HK3: variants seen among roughly 807,000 people sequenced by gnomAD.
HK3 encodes the protein hexokinase 3.
A neutral mutation model predicts 91.0 loss-of-function variants in HK3; 93 were observed. That is an observed-to-expected ratio of 1.02 (90% CI 0.86 to 1.21). The LOEUF (loss-of-function observed/expected upper bound fraction) is 1.21, where lower values mean the gene tolerates loss of function less well. Ranked by LOEUF, HK3 falls within the 50% of genes most tolerant of loss-of-function variation. The pLI, the probability that HK3 is intolerant of heterozygous loss-of-function variation, is 0.00. For missense variants in HK3, 1,235 were observed against 1,247.4 expected (o/e 0.99, Z 0.15); for synonymous variants, 519 against 516.9 (o/e 1.00, Z -0.06).
intron 10 of HK3, among the ~76,000 whole-genome samples, chr5:176,888,068 C>T (rs369583591): frequency 7.4e-4 from 113 of 152,234 alleles, no homozygotes; most frequent in Middle Eastern, 3.4e-3. Flanking sequence ...CCAGCCTCCC[C>T]TATCACTTCA....
intron 17 of HK3, 32 bp from the exon 18 acceptor site, chr5:176,881,567 G>A (rs764861839): frequency 1.3e-6 from 2 of 1,589,808 alleles, no homozygotes; most frequent in South Asian, 2.2e-5. Context: ...AGCACAGGGA[G>A]GTGGGTCGTG....
At chr5:176,885,590 T>C (rs1758564694) in intron 13 of HK3, among the ~76,000 whole-genome samples, 1 of 151,782 alleles carries the variant, frequency 6.6e-6, no homozygotes, top group South Asian at 2.1e-4. Flanking sequence ...CCCGGCTAAT[T>C]TTTGTATTTT....
intron 13 of HK3, among the ~76,000 whole-genome samples, chr5:176,885,578 C>T (rs187946926): frequency 1.1e-4 from 16 of 152,136 alleles, no homozygotes; most frequent in East Asian, 9.7e-4. Context: ...CACACTGCCA[C>T]GCCCGGCTAA....
At position 176,882,139 on chromosome 5, in the gene HK3, C is replaced by G; in HGVS notation, c.2054-12G>C. 6.2e-7 allele frequency: 1 copy of G among 1,612,074 alleles called. No individual in the cohort carries two copies. Reference sequence around the variant, plus strand: ...ATTGGTGCCGGTTCCTGCAGAGAGGCCAGACAACGTGGAAGCTACTTACTG... The same window carrying G: ...ATTGGTGCCGGTTCCTGCAGAGAGGGCAGACAACGTGGAAGCTACTTACTG... On this transcript the variant is annotated splice_polypyrimidine_tract_variant and intron_variant, in intron 15 of 18. Transcript: ENST00000292432.
intron 10 of HK3, 70 bp downstream of exon 10, chr5:176,888,262 G>C (rs1324748470): frequency 7.6e-7 from 1 of 1,311,932 alleles, no homozygotes; most frequent in Non-Finnish European, 1.1e-6. Flanking sequence ...GATCCCAGAG[G>C]GCCCTCTGGG....
At chr5:176,885,461 GC>G (rs1758559535) in intron 13 of HK3, among the ~76,000 whole-genome samples, 1 of 151,982 alleles carries the variant, frequency 6.6e-6, no homozygotes, top group South Asian at 2.1e-4. Context: ...TTGCTCTGTT[GC>G]CCAGGCTGGA....
chr5:176,896,217 C>A lies in HK3; in HGVS notation c.-26-32G>T, dbSNP rs115038681. 1,115 of 1,311,490 alleles carry A rather than the reference C, an allele frequency of 8.5e-4. 13 individuals carry two copies. The African/African-American group carries it at 0.013, about 16-fold the overall frequency. 81.2% of individuals were successfully genotyped at this position (1,311,490 alleles called of 1,614,324 possible). A position where few individuals can be genotyped will look rare whatever the true frequency, so the allele number is the denominator to read the frequency against. On this transcript the variant is annotated intron_variant, in intron 1 of 18. Coordinates refer to ENST00000292432, the MANE Select transcript of HK3 (RefSeq NM_002115.3). ...GAGAAAAGGGACAACCTGGGTCAAC[C>A]ATTTACTCTATAGGCCCTAGGAGTC...
chr5:176,887,537 C>T lies in HK3; in HGVS notation c.1514G>A (p.Arg505Gln), dbSNP rs144629628. ...DQLAAVQAQM[R>Q]KAMAKGLRGE... ...TCGGAGCCCCTTGGCCATGGCCTTC[C>T]GCATCTGTGCCTGAACCGCAGCCAG... The change falls in exon 11 of 19, where the codon CGG (arginine) becomes CAG (glutamine). Residue 505 changes from arginine (R) to glutamine (Q), a missense_variant. Arg to Gln is a conservative substitution (Grantham distance 43, BLOSUM62 1). Around this residue, in one of 3 missense-constraint regions of HK3, gnomAD observed 717 missense variants for 751.6 expected, o/e 0.95. Coordinates refer to ENST00000292432, the MANE Select transcript of HK3 (RefSeq NM_002115.3). This position sits in a 1 kb window ranked among gnomAD's most constrained non-coding sequence, Gnocchi z 4.9. 33 of 1,613,682 alleles carry T rather than the reference C, an allele frequency of 2.0e-5. No homozygotes were observed. The highest frequency in any genetic ancestry group is 4.5e-5 in the East Asian group (2 of 44,876).
chr5:176,897,686 G>C (rs1758940060), intron 1 of HK3, among the ~76,000 whole-genome samples: 1 of 152,062 alleles, frequency 6.6e-6, no homozygotes, highest in South Asian at 2.1e-4. Flanking sequence ...TCTCTCCTAG[G>C]TCTCCTTCCT....
intron 2 of HK3, among the ~76,000 whole-genome samples, chr5:176,895,188 C>T (rs1758878983): frequency 6.6e-6 from 1 of 151,502 alleles, no homozygotes; most frequent in Non-Finnish European, 1.5e-5. Flanking sequence ...GAGCGATTCT[C>T]CTGCCTCAGC....
Position 176,889,725 on chromosome 5 carries a change from A to C in HK3, c.650T>G (p.Val217Gly). 6.2e-7 allele frequency: 1 copy of C among 1,613,984 alleles called. No homozygotes were observed. Among genetic ancestry groups the C allele is most frequent in the African/African-American group, 1.3e-5 (1 of 75,000 alleles). The change falls in exon 7 of 19, where the codon GTT becomes GGT. Residue 217 changes from valine to glycine, a missense_variant. Val to Gly is a moderately radical substitution (Grantham distance 109, BLOSUM62 -3). This residue lies in a region of HK3 where 717 missense variants were observed against 751.6 expected (regional missense o/e 0.95). Coordinates refer to ENST00000292432, the MANE Select transcript of HK3 (RefSeq NM_002115.3). ...GCCCACTGTGTCGTTCACCACAGCA[A>C]CCACGTCGATGTTGTAGGCCTAGAT... ...RRQGAYNIDVVAVVNDTVGTM... is the reference protein window; with the variant it reads ...RRQGAYNIDVGAVVNDTVGTM...
intron 15 of HK3, among the ~76,000 whole-genome samples, chr5:176,882,777 C>T (rs531798353): frequency 6.6e-5 from 10 of 152,324 alleles, no homozygotes; most frequent in South Asian, 2.1e-4. Flanking sequence ...TGGATGAGGG[C>T]GTCTCCTTCC....
chr5:176,891,205 AGGT>A lies in HK3; in HGVS notation c.260-17_260-15del. The A allele has an allele frequency of 6.2e-7, 1 of 1,614,100 alleles. No individual in the cohort carries two copies. The highest frequency in any genetic ancestry group is 1.7e-5 in the Admixed American group (1 of 60,032). On this transcript the variant is annotated splice_polypyrimidine_tract_variant and intron_variant, in intron 3 of 18. Coordinates refer to ENST00000292432, the MANE Select transcript of HK3 (RefSeq NM_002115.3). ...AGTCTCCTTGCTCTGGAGGGCAAGC[AGGT>A]CACAGAAAGCCATGCAGCTGGCAAG...
intron 1 of HK3, 60 bp downstream of exon 1, chr5:176,899,207 G>T (rs747872982): frequency 1.3e-5 from 2 of 152,258 alleles, no homozygotes; most frequent in South Asian, 4.1e-4. Flanking sequence ...AGCCAAACAG[G>T]AGGGATGAGG....
At chr5:176,882,877 A>T (rs183967036) in intron 15 of HK3, among the ~76,000 whole-genome samples, 2 of 152,190 alleles carry the variant, frequency 1.3e-5, no homozygotes, top group East Asian at 3.9e-4. Context: ...GCACACAGCA[A>T]CCTGGGCATG....
Position 176,889,676 on chromosome 5 carries a change from C to T in HK3, c.699G>A (p.Gly233=), listed in dbSNP as rs748715402. The T allele has an allele frequency of 1.3e-5, 21 of 1,614,052 alleles. No individual in the cohort carries two copies. In the Admixed American group the frequency reaches 3.2e-4, roughly 24 times the overall value. ...CTAGCCCAACCTCACACGGCCTGACCCCCGGCTCACAGCCCATCATGGTGC... is the reference window on the plus strand; with the variant it reads ...CTAGCCCAACCTCACACGGCCTGACTCCCGGCTCACAGCCCATCATGGTGC... ...TVGTMMGCEP[G]VRPCEVGLVV... is the part of the protein sequence containing the mutation. Residue 233 remains glycine, a synonymous_variant, in exon 7 of 19, where the codon GGG becomes GGA. Transcript: ENST00000292432.
chr5:176,898,851 G>C (rs1758971728), intron 1 of HK3, among the ~76,000 whole-genome samples: 2 of 152,184 alleles, frequency 1.3e-5, no homozygotes, highest in Non-Finnish European at 2.9e-5. Flanking sequence ...CCAGCTGGCA[G>C]GCTGGGTGTG....
rs554872384 is a variant in HK3 at position 176,887,496 on chromosome 5, G to A, written c.1555C>T (p.Leu519Phe). Residue 519 changes from leucine (L) to phenylalanine (F), a missense_variant, in exon 11 of 19, where the codon CTT becomes TTT. By Grantham distance (22) the Leu-to-Phe change is conservative (BLOSUM62 0). This residue lies in a region of HK3 where 717 missense variants were observed against 751.6 expected (regional missense o/e 0.95). Coordinates refer to ENST00000292432, the MANE Select transcript of HK3 (RefSeq NM_002115.3). The surrounding 1 kb of genome is among the most constrained non-coding windows in gnomAD (Gnocchi z 4.9). ...CGGACGAAAGTGGGCAGCATGCGAA[G>A]GGAGGAGGCCTCCCCTCGGAGCCCC... ...AKGLRGEASS[L>F]RMLPTFVRAT... The A allele has an allele frequency of 3.7e-6, 6 of 1,613,790 alleles. No homozygotes were observed. The Admixed American group carries it at 8.3e-5, about 22-fold the overall frequency.
In HK3 at chr5:176,896,134, A is replaced by T; in HGVS notation, c.26T>A (p.Leu9Ter). 6.2e-7 allele frequency: 1 copy of T among 1,612,180 alleles called. No homozygotes were observed. Among genetic ancestry groups the T allele is most frequent in the Non-Finnish European group, 8.5e-7 (1 of 1,179,108 alleles). ...ACTCAGGGTTTCTTCCCCCTGCCGC[A>T]ACCCTGAAGACCCAATGGAGTCCAT... MDSIGSSG[L>*]RQGEETLSCS... The change falls in exon 2 of 19, where the codon TTG (leucine) becomes TAG (stop). Residue 9 changes from leucine to a stop codon, truncating the protein, a stop_gained. Transcript: ENST00000292432. LOFTEE classifies it high-confidence loss of function.
Sources: allele counts gnomAD v4.1 joint callset (sites outside exome capture counted in the v4.1 genomes callset), GRCh38; gene constraint gnomAD v4.1.1; regional missense constraint gnomAD v4.1.1; non-coding constraint Gnocchi (gnomAD v3.1); transcripts MANE v1.5; gene names NCBI Gene and HGNC (gene_info 2026-07-23, HGNC 2026-07-21).